The following ARHGEF3 variants were observed in gnomAD, a reference collection of about 807,000 sequenced individuals.
ARHGEF3 encodes the protein Rho guanine nucleotide exchange factor 3.
In ARHGEF3, 28 loss-of-function variants were observed where a neutral mutation model predicts 63.2. The observed-to-expected ratio is 0.44, with a 90% CI of 0.33 to 0.61. ARHGEF3 has a LOEUF of 0.61. Ranked by LOEUF, ARHGEF3 falls within the 20% of genes least tolerant of loss-of-function variation. The probability of loss-of-function intolerance (pLI) is 0.03; values close to 1 mark genes in which losing one functional copy is unlikely to be tolerated. For missense variants in ARHGEF3, 533 were observed against 659.3 expected, an observed-to-expected ratio of 0.81 and a Z score of 2.10; for synonymous variants, 266 against 254.2, an observed-to-expected ratio of 1.05 and a Z score of -0.44.
At chr3:56,906,877 G>A (rs1270825454) in intron 3 of ARHGEF3, among the ~76,000 whole-genome samples, 2 of 149,980 alleles carry the variant, frequency 1.3e-5, no homozygotes, top group East Asian at 2.0e-4. Context: ...AATATACTGA[G>A]TTAAAATGTA....
intron 1 of ARHGEF3, among the ~76,000 whole-genome samples, chr3:57,070,908 G>A (rs758774426): frequency 2.0e-5 from 3 of 149,698 alleles, no homozygotes; most frequent in Non-Finnish European, 4.4e-5. Context: ...GGAGGTCGAG[G>A]CTACAGTGAG....
chr3:56,792,818 T>TA (rs200263488), intron 1 of ARHGEF3, among the ~76,000 whole-genome samples: 4 of 133,614 alleles, frequency 3.0e-5, no homozygotes, highest in African/African-American at 1.0e-4. Flanking sequence ...TTCTTTTTCT[T>TA]ATTTTTTTTT....
intron 1 of ARHGEF3, among the ~76,000 whole-genome samples, chr3:57,065,333 C>T (rs148024498): frequency 7.3e-4 from 111 of 152,166 alleles, no homozygotes; most frequent in Admixed American, 2.7e-3. Flanking sequence ...TGATGGTGTG[C>T]ACCTGTAGTC....
chr3:56,917,632 A>G (rs1439778905), intron 3 of ARHGEF3, among the ~76,000 whole-genome samples: 2 of 152,196 alleles, frequency 1.3e-5, no homozygotes, highest in East Asian at 3.9e-4. Context: ...TGGCAAATGC[A>G]TTTTCATGGG....
intron 2 of ARHGEF3, among the ~76,000 whole-genome samples, chr3:56,761,130 A>C (rs1049208937): frequency 1.2e-4 from 18 of 152,132 alleles, no homozygotes; most frequent in African/African-American, 4.1e-4. Flanking sequence ...ATAATAAAAG[A>C]ATACCAAACC....
chr3:56,756,307 T>C (rs2035062137), intron 2 of ARHGEF3, among the ~76,000 whole-genome samples: 1 of 152,114 alleles, frequency 6.6e-6, no homozygotes, highest in African/African-American at 2.4e-5. Flanking sequence ...CTGCCATGGC[T>C]CTCTGTGGCC....
chr3:56,820,932 C>T (rs773801893), intron 4 of ARHGEF3, among the ~76,000 whole-genome samples: 5 of 150,856 alleles, frequency 3.3e-5, no homozygotes, highest in Non-Finnish European at 7.4e-5. Flanking sequence ...GTGGGTGAAT[C>T]ACTTGAGCCC....
chr3:56,832,918 C>T (rs34075033), intron 4 of ARHGEF3, among the ~76,000 whole-genome samples: 39,045 of 152,116 alleles, frequency 0.26, 5,747 homozygotes, highest in Non-Finnish European at 0.33. Flanking sequence ...CTTGGCATAG[C>T]GTGTCTAAGG....
chr3:56,770,043 G>A (rs1457740372), intron 2 of ARHGEF3, among the ~76,000 whole-genome samples: 1 of 152,160 alleles, frequency 6.6e-6, no homozygotes, highest in African/African-American at 2.4e-5. Context: ...AATCGGAGAG[G>A]ATGTGAAGTG....
rs1290370736 is a variant in ARHGEF3 at position 56,775,777 on chromosome 3, TACACACACACACACACGCGCAAGCAC to T, written c.97-1987_97-1962del. 1,079 of 470,410 alleles carry T rather than the reference TACACACACACACACACGCGCAAGCAC, an allele frequency of 2.3e-3. 7 individuals are homozygous for T. In the African/African-American group the frequency reaches 0.025, roughly 11 times the overall value. 29.1% of individuals were successfully genotyped at this position (470,410 alleles called of 1,614,324 possible). On this transcript the variant is annotated intron_variant, in intron 1 of 9. Coordinates refer to ENST00000296315, the MANE Select transcript of ARHGEF3 (RefSeq NM_019555.3). The stretch of plus-strand genomic sequence containing the variant: ...AGAGCTGCACCACTAGCGTACTGAA[TACACACACACACACACGCGCAAGCAC>T]ACACACACACACACACACTGCCTCT...
intron 3 of ARHGEF3, among the ~76,000 whole-genome samples, chr3:56,943,808 G>C (rs898170138): frequency 1.3e-5 from 2 of 151,878 alleles, no homozygotes; most frequent in Non-Finnish European, 2.9e-5. Context: ...CCAGCTACTC[G>C]GGAGGCTGAG....
intron 3 of ARHGEF3, among the ~76,000 whole-genome samples, chr3:56,900,811 G>A (rs997856444): frequency 6.6e-6 from 1 of 152,160 alleles, no homozygotes; most frequent in Non-Finnish European, 1.5e-5. Context: ...ATAAAATAGA[G>A]CAACTGGGAA....
At chr3:56,818,201 T>A (rs189713391) in intron 4 of ARHGEF3, among the ~76,000 whole-genome samples, 170 of 152,324 alleles carry the variant, frequency 1.1e-3, no homozygotes, top group African/African-American at 4.1e-3. Flanking sequence ...TGACCCTCAG[T>A]TCCCTTCTAT....
At position 56,850,174 on chromosome 3, in the gene ARHGEF3, T is replaced by G. The variant is rs555865607; in HGVS notation, c.192+32118A>C. On this transcript the variant is annotated intron_variant, in intron 4 of 12. Coordinates refer to the ARHGEF3 transcript ENST00000338458. ...CAAGGCACTGCAGTTCCTGGAATTT[T>G]TGAAAATATCAGCAGTCCCCATCTG... Among the ~76,000 whole-genome samples, 20 of 152,320 alleles carry G rather than the reference T, an allele frequency of 1.3e-4. No individual in the cohort carries two copies. The South Asian group carries it at 3.5e-3, about 27-fold the overall frequency.
At chr3:56,731,405 C>T (rs1034456786) in intron 9 of ARHGEF3, among the ~76,000 whole-genome samples, 3 of 151,818 alleles carry the variant, frequency 2.0e-5, no homozygotes, top group African/African-American at 7.3e-5. Context: ...GTGGCCAGCC[C>T]CTGTACTCCC....
intron 2 of ARHGEF3, among the ~76,000 whole-genome samples, chr3:56,967,662 T>C (rs185481176): frequency 0.12 from 10,699 of 89,564 alleles, 698 homozygotes; most frequent in East Asian, 0.24. Flanking sequence ...AAATAGCTAT[T>C]ATATATAATA....
rs201828699 is a variant in ARHGEF3, at chr3:56,755,142, T to C, written c.214A>G (p.Ser72Gly). 2.5e-6 allele frequency: 4 copies of C among 1,613,336 alleles called. No homozygotes were observed. The highest frequency in any genetic ancestry group is 3.4e-6 in the Non-Finnish European group (4 of 1,179,978). Residue 72 changes from serine to glycine, a missense_variant, in exon 3 of 10, where the codon AGC (serine) becomes GGC (glycine). Around this residue, in one of 4 missense-constraint regions of ARHGEF3, gnomAD observed 160 missense variants for 157.3 expected, o/e 1.02. Transcript: ENST00000296315. ...RFSQTLQRSI[S>G]FRSESRPDIL... The stretch of plus-strand genomic sequence containing the variant: ...TCAGGGCGGCTCTCACTGCGGAAGC[T>C]AATGGAGCGCTAAACAATGAGAAAA...
At chr3:56,895,453 CTTAT>C (rs754105748) in intron 3 of ARHGEF3, among the ~76,000 whole-genome samples, 21 of 123,596 alleles carry the variant, frequency 1.7e-4, no homozygotes, top group Middle Eastern at 4.1e-3. Context: ...GTCCATTGTT[CTTAT>C]TTATTTATTT....
intron 2 of ARHGEF3, among the ~76,000 whole-genome samples, chr3:57,001,919 T>G (rs74678118): frequency 3.2e-5 from 2 of 62,722 alleles, no homozygotes; most frequent in Non-Finnish European, 3.4e-5. Context: ...GAGATAGTTT[T>G]TTTTTTTTTT....
Sources: gnomAD v4.1 joint callset for allele counts (sites outside exome capture counted in the v4.1 genomes callset) on GRCh38, gnomAD v4.1.1 for gene constraint, gnomAD v4.1.1 regional missense constraint, MANE v1.5 for transcripts, NCBI Gene and HGNC (gene_info 2026-07-23, HGNC 2026-07-21) for gene names.